DSCAM: variants seen among roughly 807,000 people sequenced by gnomAD.
The protein encoded by DSCAM is DS cell adhesion molecule.
Under a neutral mutation model 217.7 loss-of-function variants are expected in DSCAM, and 47 were observed. The ratio of observed to expected loss-of-function variants is 0.22; its 90% CI spans 0.17 to 0.28. The LOEUF (loss-of-function observed/expected upper bound fraction) is 0.28. DSCAM is among the 10% of genes least tolerant of loss of function. The pLI, the probability that DSCAM is intolerant of heterozygous loss-of-function variation, is 1.00. For synonymous variants in DSCAM, 1,056 were observed against 1,015.3 expected (o/e 1.04, Z -0.76); for missense variants, 2,080 against 2,618.3 (o/e 0.79, Z 4.49).
chr21:40,557,839 A>G (rs1486908204), intron 3 of DSCAM, among the ~76,000 whole-genome samples: 1 of 152,158 alleles, frequency 6.6e-6, no homozygotes, highest in Non-Finnish European at 1.5e-5. Flanking sequence ...AATGAACTAA[A>G]ATGCACTGAT....
intron 1 of DSCAM, among the ~76,000 whole-genome samples, chr21:40,845,065 G>A (rs1329506728): frequency 6.6e-6 from 1 of 152,142 alleles, no homozygotes; most frequent in Non-Finnish European, 1.5e-5. Context: ...TGACTTCCCC[G>A]ACACATCTCC....
chr21:40,763,689 A>G (rs1036466254), intron 1 of DSCAM, among the ~76,000 whole-genome samples: 1 of 152,244 alleles, frequency 6.6e-6, no homozygotes, highest in African/African-American at 2.4e-5. Context: ...ACCTGCCTTC[A>G]AAATATACTA....
intron 3 of DSCAM, among the ~76,000 whole-genome samples, chr21:40,655,459 T>TTTTG (rs1555876828): frequency 5.9e-4 from 89 of 150,156 alleles, no homozygotes; most frequent in African/African-American, 2.1e-3. Flanking sequence ...TTTTTTTTTT[T>TTTTG]TGAGACAGGG....
intron 1 of DSCAM, among the ~76,000 whole-genome samples, chr21:40,729,882 C>T (rs2090994647): frequency 6.6e-6 from 1 of 152,184 alleles, no homozygotes. Flanking sequence ...AACCAAATCT[C>T]AGTTGGAATT....
chr21:40,788,098 G>A (rs528006692), intron 1 of DSCAM, among the ~76,000 whole-genome samples: 1 of 152,188 alleles, frequency 6.6e-6, no homozygotes, highest in Admixed American at 6.5e-5. Flanking sequence ...CACTTTCCTC[G>A]CCCTCTTCCA....
At chr21:40,766,349 T>TTTTTTTTTTTTC (rs529735263) in intron 1 of DSCAM, among the ~76,000 whole-genome samples, 2 of 152,096 alleles carry the variant, frequency 1.3e-5, no homozygotes, top group African/African-American at 4.8e-5. Flanking sequence ...ATATATATTT[T>TTTTTTTTTTTTC]CAAAGGATTA....
intron 3 of DSCAM, among the ~76,000 whole-genome samples, chr21:40,645,473 G>C (rs2089934887): frequency 6.6e-6 from 1 of 152,118 alleles, no homozygotes; most frequent in African/African-American, 2.4e-5. Context: ...AATTGGAACT[G>C]ATCCATATTT....
At chr21:40,658,529 G>A (rs144535477) in intron 3 of DSCAM, among the ~76,000 whole-genome samples, 18 of 152,298 alleles carry the variant, frequency 1.2e-4, no homozygotes, top group Non-Finnish European at 2.2e-4. Flanking sequence ...ACCATGGGGC[G>A]TCCTGGGAAT....
At chr21:40,163,778 T>C (rs2090565607) in intron 16 of DSCAM, among the ~76,000 whole-genome samples, 1 of 152,118 alleles carries the variant, frequency 6.6e-6, no homozygotes, top group Admixed American at 6.5e-5. Flanking sequence ...GTGTACTGAG[T>C]GTGGTTCACA....
At chr21:40,050,268 T>C (rs1387929114) in intron 30 of DSCAM, among the ~76,000 whole-genome samples, 1 of 152,190 alleles carries the variant, frequency 6.6e-6, no homozygotes, top group Admixed American at 6.5e-5. Flanking sequence ...TGTTGTCTCT[T>C]TTGCCTGCTC....
At chr21:40,427,496 A>G (rs1310882104) in intron 3 of DSCAM, among the ~76,000 whole-genome samples, 4 of 152,224 alleles carry the variant, frequency 2.6e-5, no homozygotes. Context: ...CTAGAAGGCT[A>G]AGGTCAGACC....
chr21:40,684,282 C>T (rs1397433473), intron 3 of DSCAM, among the ~76,000 whole-genome samples: 3 of 152,160 alleles, frequency 2.0e-5, no homozygotes, highest in Non-Finnish European at 4.4e-5. Flanking sequence ...TGTGCCCAGT[C>T]TGCAGGAACG....
rs571116287 is a variant in DSCAM at position 40,322,696 on chromosome 21, T to G, written c.1784-10337A>C. ...CCCGCCATTACACCTGGCTAATTTT[T>G]GTATTTTTGGTAGAGACAGGGTTTC... is the stretch of plus-strand genomic sequence containing the variant. On this transcript the variant is annotated intron_variant, in intron 8 of 32. Coordinates refer to ENST00000400454, the MANE Select transcript of DSCAM (RefSeq NM_001389.5). Among the ~76,000 whole-genome samples the G allele has an allele frequency of 5.9e-5, 9 of 152,246 alleles. No homozygotes were observed. In the South Asian group the frequency reaches 1.7e-3, roughly 28 times the overall value.
intron 2 of DSCAM, among the ~76,000 whole-genome samples, chr21:40,702,828 A>G (rs1232606123): frequency 6.6e-6 from 1 of 152,036 alleles, no homozygotes; most frequent in Non-Finnish European, 1.5e-5. Flanking sequence ...ATACATTTGT[A>G]ACTTATCACC....
intron 1 of DSCAM, among the ~76,000 whole-genome samples, chr21:40,734,324 T>G (rs2091041918): frequency 6.6e-6 from 1 of 152,122 alleles, no homozygotes; most frequent in Non-Finnish European, 1.5e-5. Context: ...GCACGCTGCT[T>G]CCTCTTCCCA....
intron 4 of DSCAM, among the ~76,000 whole-genome samples, chr21:40,355,037 T>C (rs1478408475): frequency 6.6e-6 from 1 of 151,604 alleles, no homozygotes; most frequent in Non-Finnish European, 1.5e-5. Flanking sequence ...AAAGGGAGAG[T>C]GGTGGATGAG....
intron 3 of DSCAM, among the ~76,000 whole-genome samples, chr21:40,454,391 T>C (rs2075746611): frequency 6.6e-6 from 1 of 152,174 alleles, no homozygotes; most frequent in East Asian, 1.9e-4. Flanking sequence ...AATGAAACCA[T>C]ATCTGTGAAA....
rs146152264 is a variant in DSCAM at position 40,483,368 on chromosome 21, T to C, written c.509-114123A>G. ...AGTATGGTTTTAGGCATTTATGATA[T>C]TACTGTGGGTTATTTTTAAGTGAAA... On this transcript the variant is annotated intron_variant, in intron 3 of 32. Transcript: ENST00000400454. Among the ~76,000 whole-genome samples, 656 of 152,338 alleles carry C rather than the reference T, an allele frequency of 4.3e-3. 5 individuals carry two copies. Among genetic ancestry groups the C allele is most frequent in the African/African-American group, 0.015 (633 of 41,574 alleles).
chr21:40,517,755 G>T (rs1042400395), intron 3 of DSCAM, among the ~76,000 whole-genome samples: 13 of 152,246 alleles, frequency 8.5e-5, no homozygotes, highest in African/African-American at 2.9e-4. Context: ...CTGGGGTGCT[G>T]CTGTGGGCAC....
Sources: gnomAD v4.1 joint callset for allele counts (sites outside exome capture counted in the v4.1 genomes callset) on GRCh38, gnomAD v4.1.1 for gene constraint, MANE v1.5 for transcripts, NCBI Gene and HGNC (gene_info 2026-07-23, HGNC 2026-07-21) for gene names.